EFCAB8: variants seen among roughly 807,000 people sequenced by gnomAD.
EFCAB8 encodes the protein EF-hand calcium binding domain 8.
Under a neutral mutation model 116.3 loss-of-function variants are expected in EFCAB8, and 100 were observed. That is an observed-to-expected ratio of 0.86 (90% CI 0.73 to 1.02). The LOEUF (loss-of-function observed/expected upper bound fraction) is 1.02. Ranked by LOEUF, EFCAB8 falls within the 50% of genes least tolerant of loss-of-function variation. The probability of loss-of-function intolerance (pLI) is 0.00; values close to 1 mark genes in which losing one functional copy is unlikely to be tolerated. For synonymous variants in EFCAB8, 558 were observed against 567.9 expected (o/e 0.98, Z 0.25); for missense variants, 1,320 against 1,416.9 (o/e 0.93, Z 1.10).
In EFCAB8 at chr20:32,931,321, C is replaced by T. The variant is rs1987902309; in HGVS notation, c.2775C>T (p.Pro925=). The T allele has an allele frequency of 6.5e-7, 1 of 1,545,728 alleles. No individual in the cohort carries two copies. The highest frequency in any genetic ancestry group is 8.7e-7 in the Non-Finnish European group (1 of 1,144,356). The change falls in exon 22 of 27, where the codon CCC becomes CCT. Residue 925 remains proline (P), a synonymous_variant. Transcript: ENST00000400522. ...GGACCAACTTCCCACACTACATTCC[C>T]TTGGAGGATAAAGAGGTAGGAGGAT... ...QLGTNFPHYI[P]LEDKEVVAGH...
At chr20:32,876,456 A>G (rs902696102) in intron 4 of EFCAB8, among the ~76,000 whole-genome samples, 1 of 152,222 alleles carries the variant, frequency 6.6e-6, no homozygotes, top group African/African-American at 2.4e-5. Flanking sequence ...TTACAGCATC[A>G]TAATAATAAT....
At chr20:32,900,800 C>G (rs910562577) in intron 11 of EFCAB8, among the ~76,000 whole-genome samples, 1 of 152,224 alleles carries the variant, frequency 6.6e-6, no homozygotes, top group African/African-American at 2.4e-5. Flanking sequence ...GATCTCCCAA[C>G]CTTGTGATCC....
chr20:32,909,494 GGGAGGCAGGGAGGGCTTCCC>G (rs942483482), intron 14 of EFCAB8, among the ~76,000 whole-genome samples: 8 of 152,216 alleles, frequency 5.3e-5, no homozygotes, highest in African/African-American at 1.9e-4. Context: ...TGGGGCAAGG[GGGAGGCAGGGAGGGCTTCCC>G]GGAGGGAACA....
At chr20:32,936,248 G>A (rs1467044663) in intron 22 of EFCAB8, among the ~76,000 whole-genome samples, 1 of 151,896 alleles carries the variant, frequency 6.6e-6, no homozygotes, top group South Asian at 2.1e-4. Context: ...TGGCCAGGCT[G>A]GTGTTGAACT....
Position 32,872,814 on chromosome 20 carries a change from G to A in EFCAB8, c.209-3112G>A, listed in dbSNP as rs1024899054. Among the ~76,000 whole-genome samples, 9 of 145,868 alleles carry A rather than the reference G, an allele frequency of 6.2e-5. 1 individual carries two copies. The highest frequency in any genetic ancestry group is 1.3e-4 in the African/African-American group (5 of 37,800). On this transcript the variant is annotated intron_variant, in intron 3 of 26. Coordinates refer to ENST00000400522, the MANE Select transcript of EFCAB8 (RefSeq NM_001143967.2). ...ATCTCAAAAACAAAAACAAAAGGCC[G>A]GGTGCAGTGGCTCATGCCTGTAATC...
At chr20:32,906,509 C>T (rs1017429918) in intron 11 of EFCAB8, 53 bp from the exon 12 acceptor site, 14 of 717,396 alleles carry the variant, frequency 2.0e-5, no homozygotes, top group Non-Finnish European at 2.9e-5. Flanking sequence ...CTCAGACGCT[C>T]TCTTGGGGCC....
At position 32,958,407 on chromosome 20, in the gene EFCAB8, T is replaced by G. The variant is rs1989039991; in HGVS notation, c.2960-14T>G. ...ATGCCAGTTGTGGTTCTGAGCAGTC[T>G]GGTCAAATCACAGGAACGTTTGGCC... is the stretch of plus-strand genomic sequence containing the variant. On this transcript the variant is annotated splice_polypyrimidine_tract_variant and intron_variant, in intron 23 of 26. Coordinates refer to ENST00000400522, the MANE Select transcript of EFCAB8 (RefSeq NM_001143967.2). 2 of 416,690 alleles carry G rather than the reference T, an allele frequency of 4.8e-6. No individual in the cohort carries two copies. The highest frequency in any genetic ancestry group is 8.8e-6 in the Non-Finnish European group (2 of 226,356). The allele number at this position is 416,690 out of a possible 1,614,324, so 25.8% of individuals were successfully genotyped here.
chr20:32,882,029 C>T (rs1391002523), intron 5 of EFCAB8, among the ~76,000 whole-genome samples: 1 of 152,092 alleles, frequency 6.6e-6, no homozygotes, highest in Non-Finnish European at 1.5e-5. Flanking sequence ...GAAACCCTGT[C>T]TCTACTAAAA....
intron 6 of EFCAB8, among the ~76,000 whole-genome samples, chr20:32,886,169 T>G (rs1985618859): frequency 6.6e-6 from 1 of 152,208 alleles, no homozygotes; most frequent in African/African-American, 2.4e-5. Flanking sequence ...TCCCTGTGCC[T>G]CAGTTTTCCC....
intron 20 of EFCAB8, among the ~76,000 whole-genome samples, chr20:32,928,600 C>CTT (rs528752871): frequency 3.3e-5 from 5 of 151,876 alleles, no homozygotes; most frequent in Admixed American, 6.6e-5. Flanking sequence ...TTGTTAGCCC[C>CTT]TTTTTTTTGG....
At chr20:32,892,786 G>A (rs1646376741) in intron 8 of EFCAB8, among the ~76,000 whole-genome samples, 1 of 152,090 alleles carries the variant, frequency 6.6e-6, no homozygotes, top group Admixed American at 6.5e-5. Flanking sequence ...CAAGGAGGAG[G>A]GAAGCTGTTG....
chr20:32,944,913 C>T (rs1988535555), intron 23 of EFCAB8, among the ~76,000 whole-genome samples: 1 of 151,590 alleles, frequency 6.6e-6, no homozygotes, highest in Admixed American at 6.6e-5. Context: ...CCCTTTCTCT[C>T]TCTCTGTCTC....
At chr20:32,913,634 A>T (rs898757768) in intron 17 of EFCAB8, among the ~76,000 whole-genome samples, 3 of 150,994 alleles carry the variant, frequency 2.0e-5, no homozygotes, top group African/African-American at 7.4e-5. Context: ...AATATCACCT[A>T]AATAAAATAT....
chr20:32,874,052 T>C (rs888989242), intron 3 of EFCAB8, among the ~76,000 whole-genome samples: 2 of 151,436 alleles, frequency 1.3e-5, no homozygotes, highest in South Asian at 2.1e-4. Flanking sequence ...TCCCCAGTAG[T>C]TGGGACTACA....
At position 32,892,261 on chromosome 20, in the gene EFCAB8, T is replaced by C; in HGVS notation, c.722T>C (p.Val241Ala). 1.9e-6 allele frequency: 3 copies of C among 1,551,702 alleles called. No homozygotes were observed. The highest frequency in any genetic ancestry group is 2.6e-6 in the Non-Finnish European group (3 of 1,146,996). Residue 241 changes from valine (V) to alanine (A), a missense_variant, in exon 8 of 27, where the codon GTT becomes GCT. Physicochemically the swap from Val to Ala is moderately conservative, Grantham distance 64. Coordinates refer to ENST00000400522, the MANE Select transcript of EFCAB8 (RefSeq NM_001143967.2). ...AAATGTGTCCGGGCCTTCACCTTTG[T>C]TGATCTGGACAGCTGTGCTCTGGTC... is the stretch of plus-strand genomic sequence containing the variant. ...DHKCVRAFTFVDLDSCALVMD... is the reference protein window; with the variant it reads ...DHKCVRAFTFADLDSCALVMD...
At chr20:32,889,177 AGT>A (rs1381803983) in intron 6 of EFCAB8, 122 bp from the exon 7 acceptor site, 1 of 720,972 alleles carries the variant, frequency 1.4e-6, no homozygotes, top group Non-Finnish European at 2.3e-6. Flanking sequence ...ACTTAGTGGT[AGT>A]GCTAGGCTCC....
At chr20:32,899,638 G>A (rs921609873) in intron 11 of EFCAB8, among the ~76,000 whole-genome samples, 2 of 151,546 alleles carry the variant, frequency 1.3e-5, no homozygotes, top group Admixed American at 6.6e-5. Flanking sequence ...GTAATGGTGC[G>A]ATCTCGGCTC....
Position 32,906,902 on chromosome 20 carries a change from G to C in EFCAB8, c.1216G>C (p.Val406Leu). Reference sequence around the variant, plus strand: ...GAACCCCTTTGTCTCAAAGAGGCCCGTGTGGCTGATGAAGGGACACCAGAC... The same window carrying C: ...GAACCCCTTTGTCTCAAAGAGGCCCCTGTGGCTGATGAAGGGACACCAGAC... ...LWNPFVSKRP[V>L]WLMKGHQTSV... The change falls in exon 13 of 27, where the codon GTG becomes CTG. Residue 406 changes from valine (V) to leucine (L), a missense_variant. Coordinates refer to ENST00000400522, the MANE Select transcript of EFCAB8 (RefSeq NM_001143967.2). 6.4e-7 allele frequency: 1 copy of C among 1,551,406 alleles called. No individual in the cohort carries two copies. Among genetic ancestry groups the C allele is most frequent in the Non-Finnish European group, 8.7e-7 (1 of 1,146,752 alleles).
chr20:32,873,042 G>A (rs1032857630), intron 3 of EFCAB8, among the ~76,000 whole-genome samples: 3 of 148,750 alleles, frequency 2.0e-5, no homozygotes, highest in Non-Finnish European at 4.5e-5. Flanking sequence ...GCAGTGAGCC[G>A]AGATCGTGCC....
Sources: allele counts gnomAD v4.1 joint callset (sites outside exome capture counted in the v4.1 genomes callset), GRCh38; gene constraint gnomAD v4.1.1; transcripts MANE v1.5; gene names NCBI Gene and HGNC (gene_info 2026-07-23, HGNC 2026-07-21).